The following EFCAB11 variants were observed in gnomAD, a reference collection of about 807,000 sequenced individuals.
The protein encoded by EFCAB11 is EF-hand calcium binding domain 11, also known as EF-hand calcium-binding domain-containing protein 11.
A neutral mutation model predicts 23.0 loss-of-function variants in EFCAB11; 14 were observed. The ratio of observed to expected loss-of-function variants is 0.61; its 90% CI spans 0.40 to 0.95. EFCAB11 has a LOEUF of 0.95. EFCAB11 is among the 40% of genes least tolerant of loss of function. EFCAB11 has a pLI of 0.00. For missense variants in EFCAB11, 198 were observed against 195.8 expected, an observed-to-expected ratio of 1.01 and a Z score of -0.07; for synonymous variants, 65 against 66.6, an observed-to-expected ratio of 0.98 and a Z score of 0.11.
chr14:89,824,118 A>G (rs1209944557), intron 5 of EFCAB11, among the ~76,000 whole-genome samples: 1 of 152,298 alleles, frequency 6.6e-6, no homozygotes, highest in Non-Finnish European at 1.5e-5. Context: ...GAACACTATA[A>G]AAAACAACAC....
chr14:89,797,456 G>T, intron 5 of EFCAB11, 132 bp from the exon 6 acceptor site: 1 of 631,756 alleles, frequency 1.6e-6, no homozygotes, highest in Non-Finnish European at 2.6e-6. Flanking sequence ...TGAAGGCTGA[G>T]ATTGATGCCT....
At chr14:89,910,434 C>A (rs1260154053) in intron 5 of EFCAB11, among the ~76,000 whole-genome samples, 2 of 152,106 alleles carry the variant, frequency 1.3e-5, no homozygotes, top group South Asian at 4.1e-4. Flanking sequence ...CCTATCTCTA[C>A]TAAAAATACA....
intron 5 of EFCAB11, among the ~76,000 whole-genome samples, chr14:89,834,392 A>C (rs866781121): frequency 2.0e-5 from 3 of 150,182 alleles, no homozygotes; most frequent in African/African-American, 4.9e-5. Flanking sequence ...AAAAAAAAAA[A>C]AAAAAAAAAA....
chr14:89,908,299 T>C (rs1889559564), intron 5 of EFCAB11, among the ~76,000 whole-genome samples: 1 of 152,206 alleles, frequency 6.6e-6, no homozygotes, highest in African/African-American at 2.4e-5. Flanking sequence ...TCCAAACAAC[T>C]CTGGTGTAAG....
chr14:89,875,689 T>C (rs1888416394), intron 5 of EFCAB11, among the ~76,000 whole-genome samples: 1 of 152,086 alleles, frequency 6.6e-6, no homozygotes, highest in African/African-American at 2.4e-5. Context: ...ATGTGGAGTT[T>C]GAGGGGTCAT....
chr14:89,903,509 A>G (rs907529248), intron 5 of EFCAB11, among the ~76,000 whole-genome samples: 3 of 152,004 alleles, frequency 2.0e-5, no homozygotes, highest in Non-Finnish European at 4.4e-5. Flanking sequence ...ATACACTGCT[A>G]AGCAAAGGCT....
At chr14:89,896,106 C>T (rs1437217775) in intron 5 of EFCAB11, among the ~76,000 whole-genome samples, 1 of 152,208 alleles carries the variant, frequency 6.6e-6, no homozygotes, top group Non-Finnish European at 1.5e-5. Context: ...AGTCTGGCGG[C>T]CGGGCGCGGT....
intron 5 of EFCAB11, among the ~76,000 whole-genome samples, chr14:89,928,915 C>T (rs976817676): frequency 6.8e-5 from 10 of 146,406 alleles, no homozygotes; most frequent in African/African-American, 2.5e-4. Context: ...TAATTCCAAT[C>T]ATAATTATAT....
At chr14:89,819,026 G>A (rs1049842614) in intron 5 of EFCAB11, among the ~76,000 whole-genome samples, 1 of 152,102 alleles carries the variant, frequency 6.6e-6, no homozygotes, top group Non-Finnish European at 1.5e-5. Context: ...CCCTAGCTAC[G>A]TATCCAAGGG....
Position 89,864,880 on chromosome 14 carries a change from A to G in EFCAB11, c.410+66661T>C, listed in dbSNP as rs867018107. On this transcript the variant is annotated intron_variant, in intron 5 of 5. Coordinates refer to ENST00000316738, the MANE Select transcript of EFCAB11 (RefSeq NM_145231.4). ...CCAGGGTCCCTGTGATTTGGGAGAG[A>G]AGGATCCACCCACAGCTCCAGAGAT... 1.3e-4 allele frequency among the ~76,000 whole-genome samples: 20 copies of G among 152,310 alleles called. 1 individual carries two copies. The Middle Eastern group carries it at 0.014, about 104-fold the overall frequency.
At chr14:89,942,104 C>T (rs948324006) in intron 3 of EFCAB11, among the ~76,000 whole-genome samples, 2 of 152,114 alleles carry the variant, frequency 1.3e-5, no homozygotes, top group African/African-American at 4.8e-5. Context: ...TGCCTTCTGC[C>T]ATGATTCTAA....
intron 5 of EFCAB11, among the ~76,000 whole-genome samples, chr14:89,919,728 T>C (rs1411313823): frequency 6.6e-6 from 1 of 152,140 alleles, no homozygotes; most frequent in Non-Finnish European, 1.5e-5. Context: ...TGAGCCAGTC[T>C]ACCAAAGGAG....
intron 5 of EFCAB11, among the ~76,000 whole-genome samples, chr14:89,862,593 T>A (rs188661088): frequency 6.6e-6 from 1 of 152,324 alleles, no homozygotes; most frequent in Admixed American, 6.5e-5. Flanking sequence ...AAGCTAGTAA[T>A]CATGATCAGA....
At chr14:89,892,327 C>T (rs1888997834) in intron 5 of EFCAB11, 3 of 1,613,726 alleles carry the variant, frequency 1.9e-6, no homozygotes, top group Admixed American at 1.7e-5. Flanking sequence ...TCCAGCAGGC[C>T]CTGCAGCAGG....
At chr14:89,863,670 G>A (rs1164670613) in intron 5 of EFCAB11, among the ~76,000 whole-genome samples, 7 of 152,334 alleles carry the variant, frequency 4.6e-5, no homozygotes, top group African/African-American at 1.4e-4. Context: ...CAATGGGGAT[G>A]CACCCTGCAC....
At chr14:89,869,877 G>A (rs933896139) in intron 5 of EFCAB11, among the ~76,000 whole-genome samples, 1 of 152,180 alleles carries the variant, frequency 6.6e-6, no homozygotes, top group Non-Finnish European at 1.5e-5. Context: ...ATAAGGGCTG[G>A]TGAGTCCCCA....
rs1006415799 is a variant in EFCAB11 at position 89,892,147 on chromosome 14, C to G, written c.410+39394G>C. On this transcript the variant is annotated intron_variant, in intron 5 of 5. Coordinates refer to ENST00000316738, the MANE Select transcript of EFCAB11 (RefSeq NM_145231.4). ...AGGTCATGGCCACTCAGGGCCCGGA[C>G]AAGGTCATCTTCCTGCTGGTTGGCC... 1.2e-5 allele frequency: 19 copies of G among 1,561,822 alleles called. No homozygotes were observed. The Admixed American group carries it at 3.1e-4, about 25-fold the overall frequency.
chr14:89,800,123 T>A (rs1379077331), intron 5 of EFCAB11, among the ~76,000 whole-genome samples: 3 of 151,886 alleles, frequency 2.0e-5, no homozygotes, highest in African/African-American at 7.3e-5. Context: ...GAGGCAGAGG[T>A]TGCAGTGAGC....
chr14:89,848,023 T>C (rs1054095416), intron 5 of EFCAB11, among the ~76,000 whole-genome samples: 1 of 152,220 alleles, frequency 6.6e-6, no homozygotes, highest in Non-Finnish European at 1.5e-5. Context: ...CAGGATTCTC[T>C]ACCTAAGCTC....
Sources: allele counts gnomAD v4.1 joint callset (sites outside exome capture counted in the v4.1 genomes callset), GRCh38; gene constraint gnomAD v4.1.1; transcripts MANE v1.5; gene names NCBI Gene and HGNC (gene_info 2026-07-23, HGNC 2026-07-21).